Variants in NGFR observed in about 807,000 individuals in gnomAD.
NGFR encodes tumor necrosis factor receptor superfamily member 16.
NGFR carries 30 observed loss-of-function variants against 43.2 expected under a neutral mutation model. The ratio of observed to expected loss-of-function variants is 0.69; its 90% CI spans 0.52 to 0.94. NGFR has a LOEUF of 0.94. Among genes scored for constraint, NGFR ranks in the 40% least tolerant of loss-of-function variants. The pLI is 0.00. For missense variants in NGFR, 529 were observed against 602.5 expected (o/e 0.88, Z 1.28); for synonymous variants, 246 against 259.6 (o/e 0.95, Z 0.50).
chr17:49,498,691 C>G (rs1334270205), intron 1 of NGFR, among the ~76,000 whole-genome samples: 1 of 151,930 alleles, frequency 6.6e-6, no homozygotes, highest in Non-Finnish European at 1.5e-5. Context: ...TTGAAATGGC[C>G]AAAACAAAAA....
At chr17:49,498,221 G>A (rs2071149845) in intron 1 of NGFR, among the ~76,000 whole-genome samples, 1 of 152,132 alleles carries the variant, frequency 6.6e-6, no homozygotes, top group Admixed American at 6.5e-5. Flanking sequence ...TCTAGATCAT[G>A]GAAGGAGTCG....
At position 49,514,779 on chromosome 17, in the gene NGFR, G is replaced by A. The variant is rs964113066; in HGVS notation, c.*1770G>A. The stretch of plus-strand genomic sequence containing the variant: ...CCCAGCAGGTGGGGAGGGGGTTTGG[G>A]GGCTTGCAAGTATGTTTTAGCATGT... On this transcript the variant is annotated 3_prime_UTR_variant, in exon 6 of 6. Transcript: ENST00000172229. 1 of 151,944 alleles carries A rather than the reference G, an allele frequency of 6.6e-6. No individual in the cohort carries two copies. Among genetic ancestry groups the A allele is most frequent in the African/African-American group, 2.4e-5 (1 of 41,346 alleles). The allele number at this position is 151,944 out of a possible 1,614,324, so 9.4% of individuals were successfully genotyped here. A position where few individuals can be genotyped will look rare whatever the true frequency, so the allele number is the denominator to read the frequency against.
intron 2 of NGFR, among the ~76,000 whole-genome samples, chr17:49,504,099 G>T (rs2143431716): frequency 6.6e-6 from 1 of 152,022 alleles, no homozygotes; most frequent in Non-Finnish European, 1.5e-5. Context: ...CCCACTTTAT[G>T]GGACGGAGAC....
rs775335082 is a variant in NGFR, at chr17:49,506,622, C to A, written c.532C>A (p.Arg178Ser). 1.9e-6 allele frequency: 3 copies of A among 1,581,168 alleles called. No individual in the cohort carries two copies. The South Asian group carries it at 3.4e-5, about 18-fold the overall frequency. ...TVCEDTERQL[R>S]ECTRWADAEC... ...GTGCGAGGACACCGAGCGCCAGCTC[C>A]GCGAGTGCACACGCTGGGCCGACGC... Residue 178 changes from arginine to serine, a missense_variant, in exon 3 of 6, where the codon CGC becomes AGC. Transcript: ENST00000172229.
chr17:49,503,878 C>A (rs749570014), intron 2 of NGFR, among the ~76,000 whole-genome samples: 1 of 152,184 alleles, frequency 6.6e-6, no homozygotes, highest in Non-Finnish European at 1.5e-5. Flanking sequence ...TGATGGGAAC[C>A]CTTTCCCTTC....
chr17:49,508,529 C>G (rs2143441192), intron 3 of NGFR, among the ~76,000 whole-genome samples: 1 of 152,330 alleles, frequency 6.6e-6, no homozygotes, highest in East Asian at 1.9e-4. Context: ...TGCCCCCTCC[C>G]CTCCAGCGTA....
chr17:49,504,731 C>A (rs1475517797), intron 2 of NGFR, among the ~76,000 whole-genome samples: 1 of 144,978 alleles, frequency 6.9e-6, no homozygotes, highest in East Asian at 2.0e-4. Flanking sequence ...CTTCCTGGGT[C>A]TTTTCTTCTC....
At position 49,510,707 on chromosome 17, in the gene NGFR, C is replaced by T. The variant is rs758488216; in HGVS notation, c.821+43C>T. ...GGCGACAGAGAGGGGAGATGTTTGC[C>T]CTCAAGGAAGACTTTGCTGTGACCT... On this transcript the variant is annotated intron_variant, in intron 4 of 5. Coordinates refer to ENST00000172229, the MANE Select transcript of NGFR (RefSeq NM_002507.4). 4 of 1,602,052 alleles carry T rather than the reference C, an allele frequency of 2.5e-6. No individual in the cohort carries two copies. The Admixed American group carries it at 6.7e-5, about 27-fold the overall frequency.
chr17:49,513,236 T>C lies in NGFR; in HGVS notation c.*227T>C. ...TCCTGTCCAGAGAGAGAAGTGCCCCTGCTGCCTCCCCAACCCTGCCCCTGC... is the reference window on the plus strand; with the variant it reads ...TCCTGTCCAGAGAGAGAAGTGCCCCCGCTGCCTCCCCAACCCTGCCCCTGC... On this transcript the variant is annotated 3_prime_UTR_variant, in exon 6 of 6. Transcript: ENST00000172229. The C allele has an allele frequency of 1.9e-6, 1 of 537,478 alleles. No individual in the cohort carries two copies. Among genetic ancestry groups the C allele is most frequent in the Non-Finnish European group, 3.2e-6 (1 of 310,168 alleles). 33.3% of individuals were successfully genotyped at this position (537,478 alleles called of 1,614,324 possible). A position where few individuals can be genotyped will look rare whatever the true frequency, so the allele number is the denominator to read the frequency against.
chr17:49,510,385 C>T, intron 3 of NGFR, 27 bp from the exon 4 acceptor site: 3 of 1,608,726 alleles, frequency 1.9e-6, no homozygotes, highest in Non-Finnish European at 2.6e-6. Context: ...GGAAGTGGGT[C>T]CTCACTCCTG....
chr17:49,510,728 G>A (rs1294902363), intron 4 of NGFR, 64 bp downstream of exon 4: 1 of 1,584,074 alleles, frequency 6.3e-7, no homozygotes, highest in African/African-American at 1.3e-5. Flanking sequence ...ACTTTGCTGT[G>A]ACCTTGACCT....
chr17:49,512,755 C>T lies in NGFR; in HGVS notation c.1030C>T (p.Arg344Trp), dbSNP rs1042226373. Residue 344 changes from arginine (R) to tryptophan (W), a missense_variant, in exon 6 of 6, where the codon CGG becomes TGG. Physicochemically the swap from Arg to Trp is moderately radical, Grantham distance 101. Coordinates refer to ENST00000172229, the MANE Select transcript of NGFR (RefSeq NM_002507.4). This position sits in a 1 kb window ranked among gnomAD's most constrained non-coding sequence, Gnocchi z 5.2. ...GLYSSLPPAK[R>W]EEVEKLLNGS... Reference sequence around the variant, plus strand: ...CTACAGCAGCCTGCCCCCAGCCAAGCGGGAGGAGGTGGAGAAGCTTCTCAA... The same window carrying T: ...CTACAGCAGCCTGCCCCCAGCCAAGTGGGAGGAGGTGGAGAAGCTTCTCAA... 9.3e-6 allele frequency: 15 copies of T among 1,612,370 alleles called. No individual in the cohort carries two copies. Among genetic ancestry groups the T allele is most frequent in the African/African-American group, 1.3e-5 (1 of 74,890 alleles).
At position 49,510,461 on chromosome 17, in the gene NGFR, C is replaced by G; in HGVS notation, c.618C>G (p.Asp206Glu). The G allele has an allele frequency of 1.2e-6, 2 of 1,614,118 alleles. No individual in the cohort carries two copies. The highest frequency in any genetic ancestry group is 1.1e-5 in the South Asian group (1 of 91,082). ...GGTCCACACCCCCAGAGGGCTCGGA[C>G]AGCACAGCCCCCAGCACCCAGGAGC... ...ITRSTPPEGSDSTAPSTQEPE... is the reference protein window; with the variant it reads ...ITRSTPPEGSESTAPSTQEPE... The change falls in exon 4 of 6, where the codon GAC becomes GAG. Residue 206 changes from aspartate (D) to glutamate (E), a missense_variant. Transcript: ENST00000172229.
chr17:49,507,317 G>T (rs1326024002), intron 3 of NGFR, among the ~76,000 whole-genome samples: 1 of 152,206 alleles, frequency 6.6e-6, no homozygotes, highest in Non-Finnish European at 1.5e-5. Flanking sequence ...GCCCTGTCTA[G>T]GGGAGGGGTC....
In NGFR at chr17:49,512,533, C is replaced by T. The variant is rs574266557; in HGVS notation, c.983-175C>T. On this transcript the variant is annotated intron_variant, in intron 5 of 5. Transcript: ENST00000172229. This position sits in a 1 kb window ranked among gnomAD's most constrained non-coding sequence, Gnocchi z 5.2. Reference sequence around the variant, plus strand: ...CTGGAGTGACAGGAGGAAGGGACAACGAGTCCCCCCAGGTGCCTTCACTTC... The same window carrying T: ...CTGGAGTGACAGGAGGAAGGGACAATGAGTCCCCCCAGGTGCCTTCACTTC... 3.3e-5 allele frequency among the ~76,000 whole-genome samples: 5 copies of T among 152,244 alleles called. No homozygotes were observed. In the South Asian group the frequency reaches 6.2e-4, roughly 19 times the overall value.
In NGFR at chr17:49,506,571, G is replaced by C. The variant is rs758613187; in HGVS notation, c.481G>C (p.Val161Leu). Residue 161 changes from valine to leucine, a missense_variant, in exon 3 of 6, where the codon GTG becomes CTG. Coordinates refer to ENST00000172229, the MANE Select transcript of NGFR (RefSeq NM_002507.4). ...CACGTATTCCGACGAGGCCAACCAC[G>C]TGGACCCGTGCCTGCCCTGCACCGT... The part of the protein sequence containing the change: ...DGTYSDEANH[V>L]DPCLPCTVCE... 1 of 1,611,130 alleles carries C rather than the reference G, an allele frequency of 6.2e-7. No homozygotes were observed. The highest frequency in any genetic ancestry group is 8.5e-7 in the Non-Finnish European group (1 of 1,179,512).
intron 3 of NGFR, 46 bp downstream of exon 3, chr17:49,506,704 G>GGGGGGGGGGGGC: frequency 2.7e-6 from 2 of 737,234 alleles, no homozygotes; most frequent in Non-Finnish European, 3.9e-6. Context: ...GCGGGGGTGG[G>GGGGGGGGGGGGC]CTGGGGGCAT....
chr17:49,507,092 T>C (rs2071204419), intron 3 of NGFR, among the ~76,000 whole-genome samples: 1 of 152,160 alleles, frequency 6.6e-6, no homozygotes, highest in African/African-American at 2.4e-5. Flanking sequence ...GAAGAGCAGC[T>C]TGAGGACCCT....
At chr17:49,511,852 C>T in intron 4 of NGFR, 40 bp from the exon 5 acceptor site, 4 of 1,524,212 alleles carry the variant, frequency 2.6e-6, no homozygotes, top group Non-Finnish European at 3.5e-6. Flanking sequence ...GCCACTACAG[C>T]CCCTCGCCCC....
Sources: allele counts gnomAD v4.1 joint callset (sites outside exome capture counted in the v4.1 genomes callset), GRCh38; gene constraint gnomAD v4.1.1; non-coding constraint Gnocchi (gnomAD v3.1); transcripts MANE v1.5; gene names NCBI Gene and HGNC (gene_info 2026-07-23, HGNC 2026-07-21).